The following CRX variants were observed in gnomAD, a reference collection of about 807,000 sequenced individuals.
CRX encodes the protein cone-rod homeobox protein.
Under a neutral mutation model 13.1 loss-of-function variants are expected in CRX, and 5 were observed. That is an observed-to-expected ratio of 0.38 (90% CI 0.20 to 0.80). CRX has a LOEUF of 0.80. Among genes scored for constraint, CRX ranks in the 30% least tolerant of loss-of-function variants. CRX has a pLI of 0.43. For synonymous variants in CRX, 179 were observed against 171.1 expected (o/e 1.05, Z -0.36); for missense variants, 351 against 391.8 (o/e 0.90, Z 0.88).
At position 47,839,925 on chromosome 19, in the gene CRX, G is replaced by A. The variant is rs775175937; in HGVS notation, c.858G>A (p.Leu286=). Residue 286 remains leucine (L), a synonymous_variant, in exon 4 of 4, where the codon CTG becomes CTA. Coordinates refer to ENST00000221996, the MANE Select transcript of CRX (RefSeq NM_000554.6). The surrounding 1 kb of genome is among the most constrained non-coding windows in gnomAD (Gnocchi z 4.6). ...TCACCTACAATCCCATGGACCCTCTGGACTACAAGGATCAGAGTGCCTGGA... is the reference window on the plus strand; with the variant it reads ...TCACCTACAATCCCATGGACCCTCTAGACTACAAGGATCAGAGTGCCTGGA... ...WKFTYNPMDP[L]DYKDQSAWKF... The A allele has an allele frequency of 1.2e-6, 2 of 1,614,006 alleles. No individual in the cohort carries two copies. Among genetic ancestry groups the A allele is most frequent in the Non-Finnish European group, 1.7e-6 (2 of 1,180,012 alleles).
In CRX at chr19:47,843,189, G is replaced by C. The variant is rs1968219522; in HGVS notation, c.*3222G>C. ...GCCAGGAAGAGTGACAAGGCAGGTGGGGACAGAAGGAAGAAGCCAGGAGCC... is the reference window on the plus strand; with the variant it reads ...GCCAGGAAGAGTGACAAGGCAGGTGCGGACAGAAGGAAGAAGCCAGGAGCC... On this transcript the variant is annotated 3_prime_UTR_variant, in exon 4 of 4. Coordinates refer to ENST00000221996, the MANE Select transcript of CRX (RefSeq NM_000554.6). 6.6e-6 allele frequency: 1 copy of C among 152,280 alleles called. No homozygotes were observed. The highest frequency in any genetic ancestry group is 1.5e-5 in the Non-Finnish European group (1 of 68,146). The allele number at this position is 152,280 out of a possible 1,614,324, so 9.4% of individuals were successfully genotyped here.
chr19:47,836,229 C>T lies in CRX; in HGVS notation c.101-14C>T, dbSNP rs751718610. 1 of 1,614,096 alleles carries T rather than the reference C, an allele frequency of 6.2e-7. No individual in the cohort carries two copies. Among genetic ancestry groups the T allele is most frequent in the Admixed American group, 1.7e-5 (1 of 60,008 alleles). On this transcript the variant is annotated splice_polypyrimidine_tract_variant and intron_variant, in intron 2 of 3. Transcript: ENST00000221996. ...GTGGATGACCTGAGGGTCCTGTTTCCCATCCCACCCCAGGCGCCCCCAGGA... is the reference window on the plus strand; with the variant it reads ...GTGGATGACCTGAGGGTCCTGTTTCTCATCCCACCCCAGGCGCCCCCAGGA...
rs1416552473 is a variant in CRX at position 47,840,704 on chromosome 19, T to G, written c.*737T>G. 4.6e-5 allele frequency: 1 copy of G among 21,528 alleles called. No individual in the cohort carries two copies. The allele number at this position is 21,528 out of a possible 1,614,324, so 1.3% of individuals were successfully genotyped here. A position where few individuals can be genotyped will look rare whatever the true frequency, so the allele number is the denominator to read the frequency against. On this transcript the variant is annotated 3_prime_UTR_variant, in exon 4 of 4. Transcript: ENST00000221996. ...AGGCGTGAGCCACCGCGCCCGGCCC[T>G]TTTTTTTTTTTTTTTTTTTAATTGA...
At chr19:47,832,105 GTTTTT>G (rs71180891) in intron 1 of CRX, among the ~76,000 whole-genome samples, 1 of 91,988 alleles carries the variant, frequency 1.1e-5, no homozygotes. Flanking sequence ...GCAGCCTTAT[GTTTTT>G]TTTTTTTTTT....
chr19:47,836,477 G>C, intron 3 of CRX, 83 bp downstream of exon 3: 1 of 1,574,352 alleles, frequency 6.4e-7, no homozygotes, highest in Non-Finnish European at 8.7e-7. Context: ...GATGGGAGGA[G>C]GGAGAGATCA....
intron 1 of CRX, among the ~76,000 whole-genome samples, chr19:47,830,739 C>G (rs1483293098): frequency 2.7e-5 from 4 of 148,398 alleles, no homozygotes; most frequent in African/African-American, 1.0e-4. Context: ...GAGTTTGCAG[C>G]AAGCCGAGAT....
rs766479824 is a variant in CRX at position 47,839,859 on chromosome 19, G to A, written c.792G>A (p.Val264=). 2 of 1,613,990 alleles carry A rather than the reference G, an allele frequency of 1.2e-6. No individual in the cohort carries two copies. The highest frequency in any genetic ancestry group is 1.7e-6 in the Non-Finnish European group (2 of 1,179,990). ...SGQSYGAYSP[V]DSLEFKDPTG... ...AGAGCTATGGCGCCTACAGCCCCGT[G>A]GATAGCTTGGAATTCAAGGACCCCA... Residue 264 remains valine (V), a synonymous_variant, in exon 4 of 4, where the codon GTG becomes GTA. Coordinates refer to ENST00000221996, the MANE Select transcript of CRX (RefSeq NM_000554.6). This position sits in a 1 kb window ranked among gnomAD's most constrained non-coding sequence, Gnocchi z 4.6.
At chr19:47,822,762 A>G (rs956769615) in intron 1 of CRX, among the ~76,000 whole-genome samples, 2 of 152,070 alleles carry the variant, frequency 1.3e-5, no homozygotes, top group African/African-American at 2.4e-5. Flanking sequence ...CTTCCAGCAC[A>G]GTCACTCTCT....
chr19:47,823,497 G>A lies in CRX; in HGVS notation c.-36+1487G>A, dbSNP rs60530809. On this transcript the variant is annotated intron_variant, in intron 1 of 3. Transcript: ENST00000221996. ...CTTCCCCCAGGTCTCATGGCCGGCA[G>A]TGGGTGCATCCACCCAGCTCCTTGT... is the stretch of plus-strand genomic sequence containing the variant. 7.9e-3 allele frequency among the ~76,000 whole-genome samples: 1,196 copies of A among 152,284 alleles called. 13 individuals are homozygous for A. The highest frequency in any genetic ancestry group is 0.027 in the African/African-American group (1,133 of 41,556).
At position 47,842,765 on chromosome 19, in the gene CRX, A is replaced by C. The variant is rs1477951562; in HGVS notation, c.*2798A>C. The C allele has an allele frequency of 2.6e-5, 4 of 152,218 alleles. No individual in the cohort carries two copies. Among genetic ancestry groups the C allele is most frequent in the Admixed American group, 2.6e-4 (4 of 15,258 alleles). 9.4% of individuals were successfully genotyped at this position (152,218 alleles called of 1,614,324 possible). On this transcript the variant is annotated 3_prime_UTR_variant, in exon 4 of 4. Transcript: ENST00000221996. ...GGTCTGTGCAAACGTTGGGACCAGA[A>C]TCCACTATAAGTTTCATTCTTCGGA...
intron 1 of CRX, among the ~76,000 whole-genome samples, chr19:47,827,478 C>G (rs1035370706): frequency 2.7e-5 from 4 of 150,534 alleles, no homozygotes; most frequent in African/African-American, 9.8e-5. Context: ...ACCCCAAATG[C>G]CTTCACTCTC....
At chr19:47,833,087 T>C (rs1044069581) in intron 1 of CRX, among the ~76,000 whole-genome samples, 1 of 140,166 alleles carries the variant, frequency 7.1e-6, no homozygotes, top group African/African-American at 2.7e-5. Flanking sequence ...TTTTCAGAGA[T>C]GGGGGGTCTC....
At chr19:47,838,194 G>A (rs1355492119) in intron 3 of CRX, among the ~76,000 whole-genome samples, 1 of 151,986 alleles carries the variant, frequency 6.6e-6, no homozygotes, top group Non-Finnish European at 1.5e-5. Context: ...TGATCAGATA[G>A]CTGGATAAAT....
intron 1 of CRX, 128 bp downstream of exon 1, chr19:47,822,138 C>CACAAAACA: frequency 6.6e-6 from 1 of 152,612 alleles, no homozygotes; most frequent in African/African-American, 2.4e-5. Context: ...AATAGTCACA[C>CACAAAACA]ACAAAACAGA....
At position 47,839,305 on chromosome 19, in the gene CRX, G is replaced by A. The variant is rs145805694; in HGVS notation, c.253-15G>A. 3,969 of 1,611,148 alleles carry A rather than the reference G, an allele frequency of 2.5e-3. 5 individuals carry two copies. The highest frequency in any genetic ancestry group is 2.8e-3 in the Non-Finnish European group (3,354 of 1,178,990). On this transcript the variant is annotated splice_polypyrimidine_tract_variant and intron_variant, in intron 3 of 3. Coordinates refer to ENST00000221996, the MANE Select transcript of CRX (RefSeq NM_000554.6). This position sits in a 1 kb window ranked among gnomAD's most constrained non-coding sequence, Gnocchi z 4.6. ...TCCCCACTTACCCACCCCCATCTCCGCTCTTATCCCCCAGGTTTGGTTCAA... is the reference window on the plus strand; with the variant it reads ...TCCCCACTTACCCACCCCCATCTCCACTCTTATCCCCCAGGTTTGGTTCAA...
chr19:47,832,054 TA>T (rs1968053732), intron 1 of CRX, among the ~76,000 whole-genome samples: 1 of 148,328 alleles, frequency 6.7e-6, no homozygotes, highest in South Asian at 2.1e-4. Flanking sequence ...AACAATTTTT[TA>T]AAACTATATA....
chr19:47,829,776 C>T (rs899257840), intron 1 of CRX, among the ~76,000 whole-genome samples: 14 of 150,996 alleles, frequency 9.3e-5, no homozygotes, highest in African/African-American at 2.2e-4. Context: ...ACTACAGGTG[C>T]GGACCACCAT....
In CRX at chr19:47,834,478, C is replaced by T. The variant is rs767285003; in HGVS notation, c.35C>T (p.Ser12Phe). The change falls in exon 2 of 4, where the codon TCT becomes TTT. Residue 12 changes from serine (S) to phenylalanine (F), a missense_variant. Transcript: ENST00000221996. ...TATATGAACCCGGGGCCCCACTATT[C>T]TGTCAACGCCTTGGCCCTAAGTGGC... ...MAYMNPGPHY[S>F]VNALALSGPS... The T allele has an allele frequency of 6.2e-7, 1 of 1,614,170 alleles. No individual in the cohort carries two copies. The highest frequency in any genetic ancestry group is 1.7e-5 in the Admixed American group (1 of 60,030).
intron 1 of CRX, among the ~76,000 whole-genome samples, chr19:47,826,178 G>A (rs1967973039): frequency 6.6e-6 from 1 of 152,172 alleles, no homozygotes; most frequent in Non-Finnish European, 1.5e-5. Flanking sequence ...AGGACAGAGG[G>A]AACCCAGGTT....
Sources: gnomAD v4.1 joint callset for allele counts (sites outside exome capture counted in the v4.1 genomes callset) on GRCh38, gnomAD v4.1.1 for gene constraint, Gnocchi (gnomAD v3.1) non-coding constraint, MANE v1.5 for transcripts, NCBI Gene and HGNC (gene_info 2026-07-23, HGNC 2026-07-21) for gene names.